The following ATG4B variants were observed in gnomAD, a reference collection of about 807,000 sequenced individuals.
ATG4B encodes the protein autophagy related 4B cysteine peptidase.
ATG4B carries 29 observed loss-of-function variants against 56.6 expected under a neutral mutation model. That is an observed-to-expected ratio of 0.51 (90% CI 0.38 to 0.70). ATG4B has a LOEUF of 0.70. Among genes scored for constraint, ATG4B ranks in the 30% least tolerant of loss-of-function variants. The pLI, the probability that ATG4B is intolerant of heterozygous loss-of-function variation, is 0.00. For synonymous variants in ATG4B, 224 were observed against 206.1 expected (o/e 1.09, Z -0.74); for missense variants, 461 against 515.5 (o/e 0.89, Z 1.02).
At chr2:241,653,666 G>A in intron 4 of ATG4B, 56 bp downstream of exon 4, 1 of 1,502,058 alleles carries the variant, frequency 6.7e-7, no homozygotes, top group Admixed American at 2.0e-5. Context: ...GAAGCAAAGG[G>A]GACTGTGGGG....
At chr2:241,652,056 C>T (rs914937905) in intron 3 of ATG4B, 11 of 1,059,618 alleles carry the variant, frequency 1.0e-5, no homozygotes, top group African/African-American at 1.7e-5. Flanking sequence ...CATTCTTTAT[C>T]CTGAAGTGAG....
intron 7 of ATG4B, among the ~76,000 whole-genome samples, chr2:241,662,510 G>A (rs924615201): frequency 2.0e-5 from 3 of 152,218 alleles, no homozygotes; most frequent in African/African-American, 7.2e-5. Context: ...AAAGCCCGTT[G>A]CACCCTGTTG....
In ATG4B at chr2:241,673,735, T is replaced by C; in HGVS notation, c.*1471T>C. On this transcript the variant is annotated 3_prime_UTR_variant, in exon 13 of 13. Coordinates refer to ENST00000404914, the MANE Select transcript of ATG4B (RefSeq NM_013325.5). ...TGCAGTGGTAATGTGTGGGACACCT[T>C]GACCAAAGGGGAGCTTTGTCTCGTG... 5 of 455,350 alleles carry C rather than the reference T, an allele frequency of 1.1e-5. No individual in the cohort carries two copies. Among genetic ancestry groups the C allele is most frequent in the South Asian group, 6.2e-5 (4 of 64,500 alleles). The allele number at this position is 455,350 out of a possible 1,614,324, so 28.2% of individuals were successfully genotyped here.
chr2:241,648,610 A>G (rs2068135010), intron 1 of ATG4B, among the ~76,000 whole-genome samples: 1 of 151,842 alleles, frequency 6.6e-6, no homozygotes, highest in Non-Finnish European at 1.5e-5. Flanking sequence ...AAAAAAAGAA[A>G]AAAAAACAGG....
At chr2:241,639,064 C>T (rs1212064221) in intron 1 of ATG4B, among the ~76,000 whole-genome samples, 2 of 152,134 alleles carry the variant, frequency 1.3e-5, no homozygotes, top group Non-Finnish European at 2.9e-5. Flanking sequence ...ACCTGGTTTG[C>T]ACTATGGCAC....
At chr2:241,660,850 C>G (rs1256981560) in intron 7 of ATG4B, among the ~76,000 whole-genome samples, 1 of 152,208 alleles carries the variant, frequency 6.6e-6, no homozygotes, top group African/African-American at 2.4e-5. Context: ...CCCCCTCGTT[C>G]CGCACGCGTG....
At chr2:241,641,272 C>T (rs996721533) in intron 1 of ATG4B, among the ~76,000 whole-genome samples, 3 of 152,092 alleles carry the variant, frequency 2.0e-5, no homozygotes, top group Non-Finnish European at 2.9e-5. Context: ...TGGAGGGGGG[C>T]GGGCGTGGTG....
At chr2:241,671,662 C>T in intron 12 of ATG4B, 2 of 1,430,052 alleles carry the variant, frequency 1.4e-6, no homozygotes, top group Non-Finnish European at 1.8e-6. Flanking sequence ...GGCGTGCTAC[C>T]ATGGAGTCCT....
intron 12 of ATG4B, 92 bp from the exon 13 acceptor site, chr2:241,672,099 C>T: frequency 3.3e-6 from 5 of 1,524,404 alleles, no homozygotes. Flanking sequence ...GCAGAGCAGG[C>T]ACTGCTCAGT....
chr2:241,637,699 C>A lies in ATG4B; in HGVS notation c.-16C>A. The A allele has an allele frequency of 6.3e-7, 1 of 1,583,578 alleles. No individual in the cohort carries two copies. The highest frequency in any genetic ancestry group is 8.6e-7 in the Non-Finnish European group (1 of 1,167,644). ...GAGCGACGCCGCTCGGGTCAGTCGG[C>A]GGCCGGACTGGGAAGATGGACGCAG... is the stretch of plus-strand genomic sequence containing the variant. On this transcript the variant is annotated 5_prime_UTR_variant, in exon 1 of 13. Transcript: ENST00000404914.
intron 1 of ATG4B, among the ~76,000 whole-genome samples, 189 bp downstream of exon 1, chr2:241,637,913 G>A (rs1465327789): frequency 1.3e-5 from 2 of 151,440 alleles, no homozygotes; most frequent in African/African-American, 4.8e-5. Flanking sequence ...AGCGGGAGGG[G>A]GACGGCGGCG....
intron 8 of ATG4B, chr2:241,667,931 C>A: frequency 1.8e-6 from 1 of 558,370 alleles, no homozygotes; most frequent in South Asian, 2.2e-5. Context: ...ATGAAGCTTC[C>A]CTGAGCTGAG....
At chr2:241,671,791 C>T (rs970421865) in intron 12 of ATG4B, 26 of 1,272,652 alleles carry the variant, frequency 2.0e-5, no homozygotes, top group East Asian at 1.6e-4. Context: ...CCATGGCCAG[C>T]GTGCCGCAGG....
chr2:241,671,187 C>T, intron 11 of ATG4B, 125 bp from the exon 12 acceptor site: 1 of 825,302 alleles, frequency 1.2e-6, no homozygotes, highest in Non-Finnish European at 2.0e-6. Flanking sequence ...GGAGCTGCCT[C>T]TGTTTTCTCA....
chr2:241,639,336 T>C (rs2067810780), intron 1 of ATG4B, among the ~76,000 whole-genome samples: 1 of 151,990 alleles, frequency 6.6e-6, no homozygotes, highest in Admixed American at 6.5e-5. Flanking sequence ...CAAGAGGGGG[T>C]GTTGCAGAGT....
In ATG4B at chr2:241,672,604, A is replaced by T. The variant is rs1453934298; in HGVS notation, c.*340A>T. ...GGCGCCGGTTCTGTGGTTGGTTTGG[A>T]ATTAAAGTCCTGTTTGAAGTTGTCA... On this transcript the variant is annotated 3_prime_UTR_variant, in exon 13 of 13. Coordinates refer to ENST00000404914, the MANE Select transcript of ATG4B (RefSeq NM_013325.5). 3.0e-6 allele frequency: 1 copy of T among 333,804 alleles called. No individual in the cohort carries two copies. 20.7% of individuals were successfully genotyped at this position (333,804 alleles called of 1,614,324 possible). A position where few individuals can be genotyped will look rare whatever the true frequency, so the allele number is the denominator to read the frequency against.
chr2:241,665,153 C>T (rs1198770507), intron 7 of ATG4B, among the ~76,000 whole-genome samples: 1 of 152,188 alleles, frequency 6.6e-6, no homozygotes, highest in Non-Finnish European at 1.5e-5. Flanking sequence ...TCTCAGAATC[C>T]TTGTTTTCCA....
At chr2:241,654,246 C>T (rs1269530691) in intron 4 of ATG4B, among the ~76,000 whole-genome samples, 1 of 151,570 alleles carries the variant, frequency 6.6e-6, no homozygotes, top group Non-Finnish European at 1.5e-5. Context: ...CATGGTGAAA[C>T]CCCATCTCTA....
rs952403395 is a variant in ATG4B, at chr2:241,671,711, T to C, written c.1108+306T>C. On this transcript the variant is annotated intron_variant, in intron 12 of 12. Transcript: ENST00000404914. Reference sequence around the variant, plus strand: ...CAGACAGAACATGCAGGCTCTGTGGTGACGCAGTCCTGGGTGGGGGACTGG... The same window carrying C: ...CAGACAGAACATGCAGGCTCTGTGGCGACGCAGTCCTGGGTGGGGGACTGG... 4 of 1,335,778 alleles carry C rather than the reference T, an allele frequency of 3.0e-6. No individual in the cohort carries two copies. The African/African-American group carries it at 5.9e-5, about 20-fold the overall frequency. The allele number at this position is 1,335,778 out of a possible 1,614,324, so 82.7% of individuals were successfully genotyped here.
Sources: gnomAD v4.1 joint callset for allele counts (sites outside exome capture counted in the v4.1 genomes callset) on GRCh38, gnomAD v4.1.1 for gene constraint, MANE v1.5 for transcripts, NCBI Gene and HGNC (gene_info 2026-07-23, HGNC 2026-07-21) for gene names.